The following ROBO1 variants were observed in gnomAD, a reference collection of about 807,000 sequenced individuals.
The protein encoded by ROBO1 is roundabout guidance receptor 1.
ROBO1 carries 149 observed loss-of-function variants against 195.9 expected under a neutral mutation model. The observed-to-expected ratio is 0.76, with a 90% confidence interval of 0.67 to 0.87. The LOEUF (loss-of-function observed/expected upper bound fraction) is 0.87. Among genes scored for constraint, ROBO1 ranks in the 40% least tolerant of loss-of-function variants. ROBO1 has a pLI of 0.00. For synonymous variants in ROBO1, 816 were observed against 733.2 expected, an observed-to-expected ratio of 1.11 and a Z score of -1.82; for missense variants, 1,933 against 2,068.3, an observed-to-expected ratio of 0.93 and a Z score of 1.27.
intron 2 of ROBO1, among the ~76,000 whole-genome samples, chr3:79,493,668 A>T (rs530600929): frequency 6.6e-6 from 1 of 152,012 alleles, no homozygotes; most frequent in South Asian, 2.1e-4. Context: ...ATAATTATGA[A>T]TTTTATACCA....
intron 2 of ROBO1, among the ~76,000 whole-genome samples, chr3:79,505,175 T>C (rs895026821): frequency 7.2e-5 from 11 of 151,968 alleles, no homozygotes; most frequent in Admixed American, 3.3e-4. Context: ...AATTCAGCTC[T>C]AAACAAAGAC....
intron 2 of ROBO1, among the ~76,000 whole-genome samples, chr3:79,264,325 C>G (rs1174826767): frequency 6.6e-6 from 1 of 151,388 alleles, no homozygotes; most frequent in African/African-American, 2.4e-5. Flanking sequence ...GCTAGTCTTT[C>G]TGAATTTATA....
chr3:79,486,559 A>G (rs568122160), intron 2 of ROBO1, among the ~76,000 whole-genome samples: 1 of 152,274 alleles, frequency 6.6e-6, no homozygotes, highest in South Asian at 2.1e-4. Context: ...ATGGGGAAAA[A>G]GGTTACATGA....
intron 3 of ROBO1, among the ~76,000 whole-genome samples, chr3:79,075,536 T>G (rs1205594135): frequency 6.6e-6 from 1 of 151,916 alleles, no homozygotes; most frequent in African/African-American, 2.4e-5. Context: ...TTAGAGTAGG[T>G]AGATAAACTT....
chr3:79,347,265 T>C (rs975266048), intron 2 of ROBO1, among the ~76,000 whole-genome samples: 1 of 152,220 alleles, frequency 6.6e-6, no homozygotes, highest in African/African-American at 2.4e-5. Flanking sequence ...AAAGCCATAA[T>C]GCTATTTCCT....
chr3:79,649,828 A>G (rs1248528645), intron 1 of ROBO1, among the ~76,000 whole-genome samples: 1 of 152,050 alleles, frequency 6.6e-6, no homozygotes, highest in African/African-American at 2.4e-5. Context: ...AGAAAGGCCA[A>G]TATGTTGATA....
At chr3:79,123,984 A>G (rs936620369) in intron 3 of ROBO1, among the ~76,000 whole-genome samples, 2 of 152,116 alleles carry the variant, frequency 1.3e-5, no homozygotes, top group African/African-American at 4.8e-5. Flanking sequence ...AGCAAACTCT[A>G]TTATTGTATC....
intron 2 of ROBO1, among the ~76,000 whole-genome samples, chr3:79,208,993 C>G (rs540481406): frequency 9.9e-5 from 15 of 152,092 alleles, no homozygotes; most frequent in Middle Eastern, 3.4e-3. Flanking sequence ...ATATATTGTT[C>G]TTTTTACAAT....
At chr3:78,993,962 G>A (rs534986155) in intron 3 of ROBO1, among the ~76,000 whole-genome samples, 352 of 151,604 alleles carry the variant, frequency 2.3e-3, no homozygotes, top group African/African-American at 8.1e-3. Flanking sequence ...AAAAGAAAGA[G>A]AATGGTTATT....
intron 2 of ROBO1, among the ~76,000 whole-genome samples, chr3:79,561,206 A>G (rs1180278646): frequency 6.6e-6 from 1 of 152,182 alleles, no homozygotes; most frequent in Admixed American, 6.6e-5. Flanking sequence ...TAACCATGAC[A>G]CTTATCCTTA....
chr3:78,760,685 A>T (rs2083076793), intron 4 of ROBO1, among the ~76,000 whole-genome samples: 1 of 152,134 alleles, frequency 6.6e-6, no homozygotes, highest in African/African-American at 2.4e-5. Flanking sequence ...TCTGTCACCC[A>T]TGCTGTAGTG....
intron 4 of ROBO1, among the ~76,000 whole-genome samples, chr3:78,908,409 G>A (rs531784742): frequency 3.3e-5 from 5 of 151,766 alleles, no homozygotes; most frequent in Admixed American, 6.6e-5. Context: ...TGTGCGTTGC[G>A]GTAAATATGC....
chr3:78,607,038 A>C lies in ROBO1; in HGVS notation c.4439T>G (p.Leu1480Arg). 18 of 1,605,836 alleles carry C rather than the reference A, an allele frequency of 1.1e-5. No individual in the cohort carries two copies. The highest frequency in any genetic ancestry group is 1.5e-5 in the Non-Finnish European group (18 of 1,174,730). ...AGGTGGCGGCACAGGAGGTGGTGGA[A>C]GATCTAAAAAGAAACATTAAAAATA... ...HLRRETYTDD[L>R]PPPPVPPPAI... The change falls in exon 29 of 31, where the codon CTT (leucine) becomes CGT (arginine). Residue 1480 changes from leucine (L) to arginine (R), a missense_variant. By Grantham distance (102) the Leu-to-Arg change is moderately radical. Coordinates refer to ENST00000464233, the MANE Select transcript of ROBO1 (RefSeq NM_002941.4).
At chr3:79,701,579 T>C (rs1947623121) in intron 1 of ROBO1, among the ~76,000 whole-genome samples, 1 of 151,714 alleles carries the variant, frequency 6.6e-6, no homozygotes, top group Admixed American at 6.6e-5. Context: ...TTCTAAAACT[T>C]GCTGTCAAAC....
At chr3:78,758,356 C>CA (rs937891844) in intron 4 of ROBO1, among the ~76,000 whole-genome samples, 24 of 151,774 alleles carry the variant, frequency 1.6e-4, no homozygotes, top group African/African-American at 5.3e-4. Context: ...CCTGTCTCTA[C>CA]AAAAAATATA....
At chr3:79,392,513 T>A (rs1322947482) in intron 2 of ROBO1, among the ~76,000 whole-genome samples, 1 of 152,148 alleles carries the variant, frequency 6.6e-6, no homozygotes, top group East Asian at 1.9e-4. Flanking sequence ...ATTATTTGAA[T>A]GGGTTTTTAC....
chr3:79,086,668 A>C (rs2079376909), intron 3 of ROBO1, among the ~76,000 whole-genome samples: 2 of 152,186 alleles, frequency 1.3e-5, no homozygotes, highest in African/African-American at 4.8e-5. Context: ...CCCGCATGTC[A>C]GTGAAAAACA....
chr3:79,341,634 G>A (rs1012223199), intron 2 of ROBO1, among the ~76,000 whole-genome samples: 2 of 151,996 alleles, frequency 1.3e-5, no homozygotes, highest in Non-Finnish European at 2.9e-5. Flanking sequence ...GGGACCCACT[G>A]TGCCTGGCTT....
chr3:78,607,170 G>T, intron 28 of ROBO1, 129 bp from the exon 29 acceptor site: 1 of 901,728 alleles, frequency 1.1e-6, no homozygotes, highest in South Asian at 2.0e-5. Flanking sequence ...AATACTTGAA[G>T]GTAACCAAGG....
Sources: allele counts gnomAD v4.1 joint callset (sites outside exome capture counted in the v4.1 genomes callset), GRCh38; gene constraint gnomAD v4.1.1; transcripts MANE v1.5; gene names NCBI Gene and HGNC (gene_info 2026-07-23, HGNC 2026-07-21).